CA10: variants seen among roughly 807,000 people sequenced by gnomAD.
CA10 encodes carbonic anhydrase-related protein 10.
Under a neutral mutation model 44.2 loss-of-function variants are expected in CA10, and 14 were observed. The observed-to-expected ratio is 0.32, with a 90% CI of 0.21 to 0.50. CA10 has a LOEUF of 0.50. Among genes scored for constraint, CA10 ranks in the 20% least tolerant of loss-of-function variants. CA10 has a pLI of 0.99. For synonymous variants in CA10, 159 were observed against 141.6 expected, an observed-to-expected ratio of 1.12 and a Z score of -0.87; for missense variants, 350 against 409.7, an observed-to-expected ratio of 0.85 and a Z score of 1.26.
At chr17:51,684,657 GTTCTCTTTAGTATTAA>G (rs1462900341) in intron 4 of CA10, among the ~76,000 whole-genome samples, 1 of 152,146 alleles carries the variant, frequency 6.6e-6, no homozygotes, top group Non-Finnish European at 1.5e-5. Flanking sequence ...AAGCTTAATG[GTTCTCTTTAGTATTAA>G]TTTGCTCACT....
intron 3 of CA10, among the ~76,000 whole-genome samples, chr17:51,784,718 C>T (rs970655790): frequency 2.0e-5 from 3 of 152,324 alleles, no homozygotes; most frequent in African/African-American, 7.2e-5. Context: ...CAATGCATAA[C>T]AATCACATCA....
intron 1 of CA10, among the ~76,000 whole-genome samples, chr17:52,092,347 T>C (rs1988289235): frequency 6.6e-6 from 1 of 152,188 alleles, no homozygotes. Flanking sequence ...AGGAAAAACG[T>C]TTTTAAGAAA....
chr17:52,156,419 T>C (rs1989805092), intron 1 of CA10, among the ~76,000 whole-genome samples: 1 of 152,208 alleles, frequency 6.6e-6, no homozygotes, highest in Non-Finnish European at 1.5e-5. Flanking sequence ...CACTGATGTA[T>C]CACAGAGACA....
At chr17:51,952,078 A>G (rs2144034924) in intron 2 of CA10, among the ~76,000 whole-genome samples, 1 of 152,268 alleles carries the variant, frequency 6.6e-6, no homozygotes, top group African/African-American at 2.4e-5. Flanking sequence ...TTAAAATGGA[A>G]CTCTACTTTC....
chr17:51,969,852 A>T (rs1984216724), intron 2 of CA10, among the ~76,000 whole-genome samples: 1 of 151,990 alleles, frequency 6.6e-6, no homozygotes, highest in Non-Finnish European at 1.5e-5. Flanking sequence ...ACGGAAAAAA[A>T]ATAAAATAAA....
chr17:51,780,712 T>G (rs1318771546), intron 3 of CA10, among the ~76,000 whole-genome samples: 1 of 152,164 alleles, frequency 6.6e-6, no homozygotes, highest in African/African-American at 2.4e-5. Context: ...ATTAGGGACG[T>G]CTTCTCAGAG....
At chr17:52,146,918 A>AT (rs911014649) in intron 1 of CA10, among the ~76,000 whole-genome samples, 1 of 151,692 alleles carries the variant, frequency 6.6e-6, no homozygotes, top group Admixed American at 6.6e-5. Context: ...TAAATACAGA[A>AT]TTTTTTTTCT....
chr17:51,657,062 G>A (rs978135012), intron 4 of CA10, among the ~76,000 whole-genome samples: 1 of 152,264 alleles, frequency 6.6e-6, no homozygotes, highest in East Asian at 1.9e-4. Context: ...TGGAGGTTGG[G>A]GGGTATTTAA....
chr17:52,073,215 T>A (rs966718401), intron 1 of CA10, among the ~76,000 whole-genome samples: 3 of 152,224 alleles, frequency 2.0e-5, no homozygotes, highest in Non-Finnish European at 2.9e-5. Context: ...TTAACTTTTT[T>A]CTTTTCTTCT....
chr17:52,029,196 A>C (rs1347617970), intron 2 of CA10, among the ~76,000 whole-genome samples: 3 of 152,140 alleles, frequency 2.0e-5, no homozygotes, highest in Admixed American at 6.5e-5. Context: ...GCCTTCTCTC[A>C]CATCTTCTCT....
rs1268095043 is a variant in CA10, at chr17:51,717,827, G to GTA, written c.465+29805_465+29806insTA. On this transcript the variant is annotated intron_variant, in intron 4 of 8. Transcript: ENST00000451037. ...TATATATACACGTATATATATGTGT[G>GTA]TGTATATATATATATATATATATAT... Among the ~76,000 whole-genome samples the GTA allele has an allele frequency of 1.9e-3, 20 of 10,332 alleles. 2 individuals carry two copies. Among genetic ancestry groups the GTA allele is most frequent in the African/African-American group, 5.9e-3 (17 of 2,862 alleles). The allele number at this position is 10,332 out of a possible 152,430, so 6.8% of individuals were successfully genotyped here.
chr17:51,680,162 C>T (rs1914794426), intron 4 of CA10, among the ~76,000 whole-genome samples: 1 of 152,130 alleles, frequency 6.6e-6, no homozygotes, highest in Non-Finnish European at 1.5e-5. Context: ...AGGGAAAGAT[C>T]ATTTCCAGTT....
At chr17:52,069,234 A>T (rs191243015) in intron 2 of CA10, among the ~76,000 whole-genome samples, 1 of 152,344 alleles carries the variant, frequency 6.6e-6, no homozygotes, top group East Asian at 1.9e-4. Flanking sequence ...TACCTAGCCA[A>T]ATGGACACAT....
intron 3 of CA10, among the ~76,000 whole-genome samples, chr17:51,831,733 A>AGCAGCAGCAGCAGCAGCAGCCGCCGCCGC (rs1567854687): frequency 8.2e-6 from 1 of 121,522 alleles, no homozygotes; most frequent in African/African-American, 4.1e-5. Context: ...GCAGCAGCAG[A>AGCAGCAGCAGCAGCAGCAGCCGCCGCCGC]AAAAGACCTT....
intron 3 of CA10, among the ~76,000 whole-genome samples, chr17:51,822,597 G>A (rs1323872598): frequency 6.6e-6 from 1 of 152,122 alleles, no homozygotes; most frequent in Admixed American, 6.5e-5. Context: ...CCATTAGAAT[G>A]GAATCTGGTT....
At chr17:51,741,113 G>A (rs545749837) in intron 4 of CA10, among the ~76,000 whole-genome samples, 1 of 152,304 alleles carries the variant, frequency 6.6e-6, no homozygotes, top group South Asian at 2.1e-4. Context: ...AATGAATGAA[G>A]GTAAACCACA....
intron 4 of CA10, among the ~76,000 whole-genome samples, chr17:51,668,783 AG>A (rs1480149135): frequency 2.0e-5 from 3 of 151,918 alleles, no homozygotes; most frequent in African/African-American, 7.3e-5. Context: ...AGAGAGGCGC[AG>A]GTGTGAACCA....
At chr17:51,856,901 A>G (rs774371776) in intron 3 of CA10, among the ~76,000 whole-genome samples, 5 of 152,202 alleles carry the variant, frequency 3.3e-5, no homozygotes, top group Non-Finnish European at 7.3e-5. Context: ...AATGACTGAC[A>G]TAACATAAAG....
rs1292485316 is a variant in CA10 at position 51,725,509 on chromosome 17, C to A, written c.465+22124G>T. ...CCCAGTAACCCTCTCTGTGGCAGGGCCAGCAGTGCAGCCCTCTTGGGTGTC... is the reference window on the plus strand; with the variant it reads ...CCCAGTAACCCTCTCTGTGGCAGGGACAGCAGTGCAGCCCTCTTGGGTGTC... On this transcript the variant is annotated intron_variant, in intron 4 of 8. Coordinates refer to ENST00000451037, the MANE Select transcript of CA10 (RefSeq NM_020178.5). Among the ~76,000 whole-genome samples, 4 of 152,308 alleles carry A rather than the reference C, an allele frequency of 2.6e-5. No homozygotes were observed. In the South Asian group the frequency reaches 8.3e-4, roughly 32 times the overall value.
Sources: gnomAD v4.1 joint callset for allele counts (sites outside exome capture counted in the v4.1 genomes callset) on GRCh38, gnomAD v4.1.1 for gene constraint, MANE v1.5 for transcripts, NCBI Gene and HGNC (gene_info 2026-07-23, HGNC 2026-07-21) for gene names.